The following PPP2R1B variants were observed in gnomAD, a reference collection of about 807,000 sequenced individuals.
PPP2R1B encodes the protein protein phosphatase 2 scaffold subunit Abeta.
A neutral mutation model predicts 72.7 loss-of-function variants in PPP2R1B; 58 were observed. That is an observed-to-expected ratio of 0.80 (90% CI 0.65 to 0.99). PPP2R1B has a LOEUF of 0.99. PPP2R1B is among the 50% of genes least tolerant of loss of function. The pLI is 0.00. For synonymous variants in PPP2R1B, 256 were observed against 264.6 expected, an observed-to-expected ratio of 0.97 and a Z score of 0.32; for missense variants, 695 against 733.6, an observed-to-expected ratio of 0.95 and a Z score of 0.61.
chr11:111,692,367 A>C, the PPP2R1B span, among the ~76,000 whole-genome samples: 13 of 128,828 alleles, frequency 1.0e-4, no homozygotes, highest in Non-Finnish European at 1.8e-4. Flanking sequence ...AAAAAAAAAA[A>C]AAAAAAAAAA....
chr11:111,721,369 A>C, the PPP2R1B span, among the ~76,000 whole-genome samples: 7 of 152,156 alleles, frequency 4.6e-5, no homozygotes, highest in Non-Finnish European at 8.8e-5. Context: ...CTCCTGCCAC[A>C]CACACACCCA....
rs781827059 is a variant in PPP2R1B, at chr11:111,760,897, G to A, written c.461C>T (p.Thr154Ile). 3.1e-6 allele frequency: 5 copies of A among 1,614,198 alleles called. No individual in the cohort carries two copies. The highest frequency in any genetic ancestry group is 4.2e-6 in the Non-Finnish European group (5 of 1,180,040). Residue 154 changes from threonine (T) to isoleucine (I), a missense_variant, in exon 4 of 15, where the codon ACC becomes ATC. Thr to Ile is a moderately conservative substitution (Grantham distance 89). Coordinates refer to ENST00000527614, the MANE Select transcript of PPP2R1B (RefSeq NM_002716.5). The part of the protein sequence containing the change: ...VKRLASGDWF[T>I]SRTSACGLFS... ...CAAACCACATGCAGATGTGCGAGAG[G>A]TGAACCAATCCCCACTTGCTAAGCG...
chr11:111,727,016 A>T, exon 16 of PPP2R1B: 2 of 1,614,196 alleles, frequency 1.2e-6, no homozygotes, highest in Non-Finnish European at 1.7e-6. Flanking sequence ...CCAGCTGGGC[A>T]AGTGTGTCTC....
chr11:111,743,370 A>G lies in PPP2R1B; in HGVS notation c.1554+6T>C. On this transcript the variant is annotated splice_donor_region_variant and intron_variant, in intron 12 of 14. Transcript: ENST00000527614. ...AGCTTAGCAATAACAGTTATGTTAT[A>G]CTTACATTAATGCAGAATAAAGTGG... 2 of 1,599,450 alleles carry G rather than the reference A, an allele frequency of 1.3e-6. No individual in the cohort carries two copies. Among genetic ancestry groups the G allele is most frequent in the Non-Finnish European group, 1.7e-6 (2 of 1,170,388 alleles).
downstream of PPP2R1B, among the ~76,000 whole-genome samples, chr11:111,734,440 G>A (rs1944282627): frequency 6.6e-6 from 1 of 152,228 alleles, no homozygotes; most frequent in African/African-American, 2.4e-5. Context: ...CCAACTGTTA[G>A]GTCAAGCTCC....
intron 10 of PPP2R1B, among the ~76,000 whole-genome samples, chr11:111,751,545 T>C (rs1226919629): frequency 6.6e-6 from 1 of 152,248 alleles, no homozygotes; most frequent in African/African-American, 2.4e-5. Context: ...TTCTGGACTT[T>C]GCATTTTTGA....
At chr11:111,726,287 G>GCCA (rs1366503543), downstream of PPP2R1B, 1 of 152,224 alleles carries the variant, frequency 6.6e-6, no homozygotes, top group Non-Finnish European at 1.5e-5. Flanking sequence ...CCCCAACAAT[G>GCCA]CCATGAGCTG....
chr11:111,748,337 T>C (rs1289489025), intron 10 of PPP2R1B, among the ~76,000 whole-genome samples: 1 of 152,260 alleles, frequency 6.6e-6, no homozygotes, highest in Non-Finnish European at 1.5e-5. Context: ...CTGGATTACC[T>C]GTAAAAATGA....
chr11:111,755,927 G>A (rs1275959024), intron 5 of PPP2R1B, among the ~76,000 whole-genome samples: 6 of 150,862 alleles, frequency 4.0e-5, no homozygotes, highest in South Asian at 2.1e-4. Flanking sequence ...AGCTGCTCCC[G>A]GCCGGGCCCA....
Position 111,740,238 on chromosome 11 carries a change from G to T in PPP2R1B, c.*1358C>A. On this transcript the variant is annotated 3_prime_UTR_variant, in exon 15 of 15. Transcript: ENST00000527614. ...GTGAAAAATAGTTGTTTTTTTTTGA[G>T]ATGGACTCTCGCTCTATGGCCCAGG... 1.0e-6 allele frequency: 1 copy of T among 982,416 alleles called. No individual in the cohort carries two copies. Among genetic ancestry groups the T allele is most frequent in the Non-Finnish European group, 1.2e-6 (1 of 827,344 alleles). The allele number at this position is 982,416 out of a possible 1,614,324, so 60.9% of individuals were successfully genotyped here.
chr11:111,765,886 C>G, intron 1 of PPP2R1B: 1 of 495,900 alleles, frequency 2.0e-6, no homozygotes, highest in Non-Finnish European at 3.9e-6. Context: ...CTCAGCCGCT[C>G]CAGCCCCGTC....
chr11:111,737,784 C>A, downstream of PPP2R1B: 1 of 1,312,486 alleles, frequency 7.6e-7, no homozygotes, highest in Non-Finnish European at 1.0e-6. Flanking sequence ...GAAAGCGCCA[C>A]CCCATCGGGC....
At position 111,738,630 on chromosome 11, in the gene PPP2R1B, C is replaced by G. The variant is rs1944413157; in HGVS notation, c.*2966G>C. ...GGGGCTCTGCATCACAGTGGCTGAG[C>G]TGTGGTATTTCTGTGAGCTGAGGGC... On this transcript the variant is annotated 3_prime_UTR_variant, in exon 15 of 15. Coordinates refer to ENST00000527614, the MANE Select transcript of PPP2R1B (RefSeq NM_002716.5). The G allele has an allele frequency of 1.0e-6, 1 of 985,282 alleles. No individual in the cohort carries two copies. The highest frequency in any genetic ancestry group is 1.7e-5 in the African/African-American group (1 of 57,232). The allele number at this position is 985,282 out of a possible 1,614,324, so 61.0% of individuals were successfully genotyped here.
intron 14 of PPP2R1B, 126 bp downstream of exon 14, chr11:111,741,927 G>T: frequency 1.1e-6 from 1 of 909,048 alleles, no homozygotes. Context: ...AGCATTCCAG[G>T]AACTTACTAC....
intron 10 of PPP2R1B, among the ~76,000 whole-genome samples, chr11:111,751,941 C>T (rs1315826721): frequency 2.0e-5 from 3 of 152,228 alleles, no homozygotes; most frequent in African/African-American, 7.2e-5. Flanking sequence ...TGCATCATTG[C>T]ACTCCAGCCT....
At chr11:111,755,124 T>A (rs200024765) in intron 6 of PPP2R1B, 30 bp from the exon 7 acceptor site, 123 of 1,566,460 alleles carry the variant, frequency 7.9e-5, no homozygotes, top group Non-Finnish European at 9.3e-5. Flanking sequence ...GGTTTTAATG[T>A]ATACTAACAA....
chr11:111,711,503 A>G, the PPP2R1B span, among the ~76,000 whole-genome samples: 3 of 152,186 alleles, frequency 2.0e-5, no homozygotes, highest in African/African-American at 7.2e-5. Context: ...CAGACTTCAA[A>G]CCATCAGGAG....
At chr11:111,733,325 T>A (rs892999660), downstream of PPP2R1B, among the ~76,000 whole-genome samples, 7 of 151,962 alleles carry the variant, frequency 4.6e-5, no homozygotes, top group African/African-American at 1.7e-4. Context: ...CAGCACAGTG[T>A]CTGGGAGGGT....
chr11:111,765,799 C>G, intron 1 of PPP2R1B: 1 of 474,508 alleles, frequency 2.1e-6, no homozygotes, highest in Non-Finnish European at 4.2e-6. Flanking sequence ...GCTTTCTACC[C>G]AACAAGCCGA....
Sources: gnomAD v4.1 joint callset for allele counts (sites outside exome capture counted in the v4.1 genomes callset) on GRCh38, gnomAD v4.1.1 for gene constraint, MANE v1.5 for transcripts, NCBI Gene and HGNC (gene_info 2026-07-23, HGNC 2026-07-21) for gene names.